MTMR7: variants seen among roughly 807,000 people sequenced by gnomAD.
The protein encoded by MTMR7 is myotubularin related protein 7.
In MTMR7, 76 loss-of-function variants were observed where a neutral mutation model predicts 81.2. That is an observed-to-expected ratio of 0.94 (90% CI 0.78 to 1.13). The LOEUF is 1.13. Among genes scored for constraint, MTMR7 ranks in the 50% most tolerant of loss-of-function variants. The pLI is 0.00. For synonymous variants in MTMR7, 372 were observed against 289.8 expected, an observed-to-expected ratio of 1.28 and a Z score of -2.88; for missense variants, 1,044 against 820.0, an observed-to-expected ratio of 1.27 and a Z score of -3.34.
chr8:17,373,158 A>G lies in MTMR7; in HGVS notation c.107T>C (p.Ile36Thr), dbSNP rs773881490. ...GTLYLTATHV[I>T]FVENSPDPRK... is the part of the protein sequence containing the mutation. ...TGGGTCAGGTGAATTTTCCACGAAT[A>G]TGACATGGGTAGCCGTCAAATACAA... The change falls in exon 2 of 14, where the codon ATA becomes ACA. Residue 36 changes from isoleucine to threonine, a missense_variant. By Grantham distance (89) the Ile-to-Thr change is moderately conservative. Coordinates refer to ENST00000180173, the MANE Select transcript of MTMR7 (RefSeq NM_004686.5). 6.2e-7 allele frequency: 1 copy of G among 1,613,896 alleles called. No homozygotes were observed. The highest frequency in any genetic ancestry group is 8.5e-7 in the Non-Finnish European group (1 of 1,179,798).
chr8:17,342,161 G>A (rs1465043145), intron 5 of MTMR7, among the ~76,000 whole-genome samples: 1 of 152,138 alleles, frequency 6.6e-6, no homozygotes, highest in Non-Finnish European at 1.5e-5. Flanking sequence ...AGAGTAGATT[G>A]CACTGTCAGA....
chr8:17,326,346 T>C (rs1055873569), intron 7 of MTMR7: 3 of 152,178 alleles, frequency 2.0e-5, no homozygotes, highest in Non-Finnish European at 4.4e-5. Flanking sequence ...CTTGAGTAAA[T>C]ACAGCTTAAA....
intron 7 of MTMR7, among the ~76,000 whole-genome samples, chr8:17,329,167 G>A (rs184585452): frequency 0.012 from 1,887 of 152,304 alleles, 41 homozygotes; most frequent in East Asian, 0.075. Context: ...CAAGTGACCA[G>A]TAGTATGAGC....
chr8:17,296,848 T>TATACC lies in MTMR7; in HGVS notation c.*3009_*3013dup, dbSNP rs1467655735. 1.3e-5 allele frequency: 2 copies of TATACC among 152,232 alleles called. No homozygotes were observed. The highest frequency in any genetic ancestry group is 1.3e-4 in the Admixed American group (2 of 15,282). 9.4% of individuals were successfully genotyped at this position (152,232 alleles called of 1,614,324 possible). On this transcript the variant is annotated 3_prime_UTR_variant, in exon 14 of 14. Coordinates refer to ENST00000180173, the MANE Select transcript of MTMR7 (RefSeq NM_004686.5). Reference sequence around the variant, plus strand: ...AAGTTGAACTATCCCAGTTTCATTCTATACCATTCATTGGATAACCTTGTT... The same window carrying TATACC: ...AAGTTGAACTATCCCAGTTTCATTCTATACCATACCATTCATTGGATAACCTTGTT...
In MTMR7 at chr8:17,299,445, G is replaced by A. The variant is rs966618993; in HGVS notation, c.*417C>T. On this transcript the variant is annotated 3_prime_UTR_variant, in exon 14 of 14. Transcript: ENST00000180173. Reference sequence around the variant, plus strand: ...GTCGGAAAGGAGGATAATGTCAGATGCTTTAGAAAACACAAAATATGCATC... The same window carrying A: ...GTCGGAAAGGAGGATAATGTCAGATACTTTAGAAAACACAAAATATGCATC... 1.2e-5 allele frequency: 2 copies of A among 163,622 alleles called. No homozygotes were observed. Among genetic ancestry groups the A allele is most frequent in the African/African-American group, 4.8e-5 (2 of 41,630 alleles). The allele number at this position is 163,622 out of a possible 1,614,324, so 10.1% of individuals were successfully genotyped here. A position where few individuals can be genotyped will look rare whatever the true frequency, so the allele number is the denominator to read the frequency against.
intron 1 of MTMR7, among the ~76,000 whole-genome samples, chr8:17,396,501 C>A (rs763552200): frequency 1.5e-4 from 23 of 152,140 alleles, no homozygotes; most frequent in Non-Finnish European, 3.2e-4. Context: ...CATAGCAAAG[C>A]AAAGATGTGT....
At chr8:17,380,218 A>G (rs1820717752) in intron 1 of MTMR7, among the ~76,000 whole-genome samples, 1 of 152,226 alleles carries the variant, frequency 6.6e-6, no homozygotes, top group African/African-American at 2.4e-5. Flanking sequence ...CTCATGAATC[A>G]GGCCAACCCC....
At chr8:17,322,282 C>G (rs1055464693) in intron 7 of MTMR7, among the ~76,000 whole-genome samples, 2 of 152,158 alleles carry the variant, frequency 1.3e-5, no homozygotes, top group African/African-American at 2.4e-5. Context: ...ATGGCCTGTA[C>G]GAGCGAAGTG....
chr8:17,386,588 T>A (rs1820950710), intron 1 of MTMR7, among the ~76,000 whole-genome samples: 1 of 152,158 alleles, frequency 6.6e-6, no homozygotes, highest in Non-Finnish European at 1.5e-5. Context: ...ACTCAGCTCC[T>A]CACCCTCAAA....
At chr8:17,402,253 T>C (rs1219084225) in intron 1 of MTMR7, among the ~76,000 whole-genome samples, 1 of 152,180 alleles carries the variant, frequency 6.6e-6, no homozygotes, top group South Asian at 2.1e-4. Flanking sequence ...AATCCAGTTA[T>C]ACTCTTTTAG....
At position 17,374,965 on chromosome 8, in the gene MTMR7, T is replaced by C. The variant is rs1820532734; in HGVS notation, c.25-1725A>G. On this transcript the variant is annotated intron_variant, in intron 1 of 13. Coordinates refer to ENST00000180173, the MANE Select transcript of MTMR7 (RefSeq NM_004686.5). Reference sequence around the variant, plus strand: ...TTAGCCAGGCGTGGTGCCCGGCACCTATAATCCCATCCACTCGGAAGGCTG... The same window carrying C: ...TTAGCCAGGCGTGGTGCCCGGCACCCATAATCCCATCCACTCGGAAGGCTG... 2.0e-5 allele frequency among the ~76,000 whole-genome samples: 3 copies of C among 152,268 alleles called. No homozygotes were observed. The South Asian group carries it at 6.2e-4, about 32-fold the overall frequency.
intron 1 of MTMR7, among the ~76,000 whole-genome samples, chr8:17,376,716 A>G (rs936200584): frequency 6.6e-6 from 1 of 152,232 alleles, no homozygotes; most frequent in East Asian, 1.9e-4. Context: ...ACCCATTTTT[A>G]ATGGAACACT....
intron 4 of MTMR7, among the ~76,000 whole-genome samples, chr8:17,360,280 T>A (rs1234464343): frequency 6.6e-6 from 1 of 152,178 alleles, no homozygotes; most frequent in Non-Finnish European, 1.5e-5. Flanking sequence ...ATTGGCCAGA[T>A]ATAATAACAG....
At chr8:17,398,889 G>C (rs906057038) in intron 1 of MTMR7, among the ~76,000 whole-genome samples, 1 of 152,148 alleles carries the variant, frequency 6.6e-6, no homozygotes, top group Non-Finnish European at 1.5e-5. Context: ...CAAGCAATCA[G>C]AGCTAGGGCA....
chr8:17,363,538 A>T (rs939348141), intron 3 of MTMR7, among the ~76,000 whole-genome samples: 4 of 152,212 alleles, frequency 2.6e-5, no homozygotes, highest in African/African-American at 9.7e-5. Flanking sequence ...AACAGACATT[A>T]AGCAGATCAC....
chr8:17,356,971 T>G (rs1465252102), intron 4 of MTMR7, among the ~76,000 whole-genome samples: 2 of 152,130 alleles, frequency 1.3e-5, no homozygotes, highest in East Asian at 3.8e-4. Context: ...CTCTAGCTCA[T>G]AAACTCTACT....
intron 4 of MTMR7, among the ~76,000 whole-genome samples, chr8:17,350,949 C>T (rs1420530704): frequency 6.6e-6 from 1 of 152,186 alleles, no homozygotes; most frequent in Non-Finnish European, 1.5e-5. Flanking sequence ...GAAGGCTCAA[C>T]CAACTTGGAC....
chr8:17,352,951 T>C (rs1257262493), intron 4 of MTMR7, among the ~76,000 whole-genome samples: 1 of 152,174 alleles, frequency 6.6e-6, no homozygotes, highest in Non-Finnish European at 1.5e-5. Flanking sequence ...TCTGGATGTA[T>C]GCCCAAAGGA....
chr8:17,380,402 T>G (rs1820722880), intron 1 of MTMR7, among the ~76,000 whole-genome samples: 1 of 152,182 alleles, frequency 6.6e-6, no homozygotes, highest in African/African-American at 2.4e-5. Flanking sequence ...TTCATAGTTC[T>G]GTTGAACTTG....
Sources: gnomAD v4.1 joint callset for allele counts (sites outside exome capture counted in the v4.1 genomes callset) on GRCh38, gnomAD v4.1.1 for gene constraint, MANE v1.5 for transcripts, NCBI Gene and HGNC (gene_info 2026-07-23, HGNC 2026-07-21) for gene names.